RAPGEF2: variants seen among roughly 807,000 people sequenced by gnomAD.
The protein encoded by RAPGEF2 is PDZ domain containing guanine nucleotide exchange factor (GEF) 1.
In RAPGEF2, 54 loss-of-function variants were observed where a neutral mutation model predicts 186.7. That is an observed-to-expected ratio of 0.29 (90% CI 0.23 to 0.36). The LOEUF (loss-of-function observed/expected upper bound fraction) is 0.36. Among genes scored for constraint, RAPGEF2 ranks in the 10% least tolerant of loss-of-function variants. RAPGEF2 has a pLI of 1.00. For missense variants in RAPGEF2, 1,532 were observed against 2,045.0 expected, an observed-to-expected ratio of 0.75 and a Z score of 4.84; for synonymous variants, 712 against 705.9, an observed-to-expected ratio of 1.01 and a Z score of -0.14.
chr4:159,284,479 GAGACAC>G (rs1460346166), intron 7 of RAPGEF2, among the ~76,000 whole-genome samples: 2 of 114,536 alleles, frequency 1.7e-5, no homozygotes, highest in Non-Finnish European at 3.4e-5. Context: ...CACCGCCATG[GAGACAC>G]ACACACACAC....
At chr4:159,202,494 T>C (rs1282099244) in intron 3 of RAPGEF2, among the ~76,000 whole-genome samples, 4 of 152,226 alleles carry the variant, frequency 2.6e-5, no homozygotes, top group African/African-American at 9.6e-5. Context: ...TTTGAGCTGA[T>C]GGTCTTCTAG....
chr4:159,159,465 T>G (rs1016643395), intron 1 of RAPGEF2, among the ~76,000 whole-genome samples: 1 of 106,978 alleles, frequency 9.3e-6, no homozygotes, highest in African/African-American at 3.8e-5. Flanking sequence ...TAAGTACATA[T>G]AGTGGGATCA....
chr4:159,332,447 T>C lies in RAPGEF2; in HGVS notation c.1889-4T>C. On this transcript the variant is annotated splice_region_variant and splice_polypyrimidine_tract_variant and intron_variant, in intron 16 of 29. Coordinates refer to ENST00000691494, the MANE Select transcript of RAPGEF2 (RefSeq NM_001394067.2). ...CGTGGTGTTTCTGTTTTCATTTATT[T>C]TAGTATTTAAAGAACTTCTAACAAG... 6.2e-7 allele frequency: 1 copy of C among 1,607,626 alleles called. No homozygotes were observed. Among genetic ancestry groups the C allele is most frequent in the African/African-American group, 1.3e-5 (1 of 74,464 alleles).
chr4:159,131,412 G>A (rs1237989565), intron 1 of RAPGEF2, among the ~76,000 whole-genome samples: 7 of 151,634 alleles, frequency 4.6e-5, no homozygotes, highest in Admixed American at 6.6e-5. Context: ...GCCCAGCCTC[G>A]CATGGTTTTA....
chr4:159,179,887 A>G (rs1746830192), intron 1 of RAPGEF2, among the ~76,000 whole-genome samples: 1 of 152,116 alleles, frequency 6.6e-6, no homozygotes, highest in Non-Finnish European at 1.5e-5. Context: ...TGTTTGGACT[A>G]TGGAAGTACA....
intron 1 of RAPGEF2, among the ~76,000 whole-genome samples, chr4:159,119,806 C>T (rs1455555664): frequency 6.6e-6 from 1 of 152,140 alleles, no homozygotes; most frequent in East Asian, 1.9e-4. Context: ...TTCTAAACAT[C>T]CCATCTATTG....
rs1737503578 is a variant in RAPGEF2 at position 159,104,116 on chromosome 4, AGGCC to A, written c.-42_-39del. The A allele has an allele frequency of 7.6e-7, 1 of 1,310,340 alleles. No individual in the cohort carries two copies. Among genetic ancestry groups the A allele is most frequent in the African/African-American group, 1.5e-5 (1 of 65,210 alleles). The allele number at this position is 1,310,340 out of a possible 1,614,324, so 81.2% of individuals were successfully genotyped here. A position where few individuals can be genotyped will look rare whatever the true frequency, so the allele number is the denominator to read the frequency against. On this transcript the variant is annotated 5_prime_UTR_variant, in exon 1 of 30. Transcript: ENST00000691494. ...GCAGCAGCGGCGCTGGGCCGGGAGG[AGGCC>A]GGCCAGGGTGCGGAGCGGCCCCGGC... is the stretch of plus-strand genomic sequence containing the variant.
chr4:159,299,624 A>T (rs1762418686), intron 7 of RAPGEF2, among the ~76,000 whole-genome samples: 1 of 151,904 alleles, frequency 6.6e-6, no homozygotes, highest in African/African-American at 2.4e-5. Flanking sequence ...GTATTTTACC[A>T]ATTTAACTTT....
intron 7 of RAPGEF2, among the ~76,000 whole-genome samples, chr4:159,294,277 C>T (rs753226319): frequency 1.3e-5 from 2 of 152,124 alleles, no homozygotes; most frequent in Non-Finnish European, 2.9e-5. Flanking sequence ...ACTCATTTCC[C>T]GAGCTCCATA....
At chr4:159,126,335 C>G (rs1416760549) in intron 1 of RAPGEF2, among the ~76,000 whole-genome samples, 1 of 152,074 alleles carries the variant, frequency 6.6e-6, no homozygotes, top group East Asian at 1.9e-4. Context: ...GAGAGCAATT[C>G]TAGAAACCTT....
intron 1 of RAPGEF2, among the ~76,000 whole-genome samples, chr4:159,177,943 C>T (rs1346269524): frequency 6.6e-6 from 1 of 152,126 alleles, no homozygotes; most frequent in Non-Finnish European, 1.5e-5. Flanking sequence ...CAGTTCTGGT[C>T]CTGTGACCAG....
At chr4:159,137,424 C>A (rs1038446396) in intron 1 of RAPGEF2, among the ~76,000 whole-genome samples, 1 of 152,124 alleles carries the variant, frequency 6.6e-6, no homozygotes, top group Admixed American at 6.5e-5. Context: ...TATAAGAACA[C>A]CAGTCCAACT....
Position 159,240,604 on chromosome 4 carries a change from A to G in RAPGEF2, c.358-597A>G, listed in dbSNP as rs566052931. 2.6e-5 allele frequency among the ~76,000 whole-genome samples: 4 copies of G among 152,158 alleles called. No individual in the cohort carries two copies. In the East Asian group the frequency reaches 7.7e-4, roughly 29 times the overall value. ...CGCCTCGGCCTCCCAAAGTGCTGGG[A>G]TTACAGGCGTGAGCAACTGTGCCTG... On this transcript the variant is annotated intron_variant, in intron 5 of 29. Coordinates refer to ENST00000691494, the MANE Select transcript of RAPGEF2 (RefSeq NM_001394067.2).
In RAPGEF2 at chr4:159,266,578, TAAA is replaced by T. The variant is rs530774146; in HGVS notation, c.543+22795_543+22797del. On this transcript the variant is annotated intron_variant, in intron 7 of 29. Coordinates refer to ENST00000691494, the MANE Select transcript of RAPGEF2 (RefSeq NM_001394067.2). ...ACCTCTGAAGTTTGGTTTGGTTTTT[TAAA>T]AAAAAAACCTGGGTAGGTTAATTTT... Among the ~76,000 whole-genome samples the T allele has an allele frequency of 3.3e-3, 493 of 150,994 alleles. 2 individuals carry two copies. The highest frequency in any genetic ancestry group is 0.011 in the African/African-American group (468 of 41,156).
At chr4:159,313,952 G>A (rs1320190399) in intron 8 of RAPGEF2, among the ~76,000 whole-genome samples, 1 of 152,164 alleles carries the variant, frequency 6.6e-6, no homozygotes, top group Non-Finnish European at 1.5e-5. Context: ...AAATTTGCAG[G>A]TATCTTGATA....
Position 159,354,019 on chromosome 4 carries a change from G to T in RAPGEF2, c.4624G>T (p.Ala1542Ser), listed in dbSNP as rs1282722339. 1.2e-6 allele frequency: 2 copies of T among 1,602,096 alleles called. No homozygotes were observed. Among genetic ancestry groups the T allele is most frequent in the African/African-American group, 2.7e-5 (2 of 74,324 alleles). The change falls in exon 28 of 30, where the codon GCA becomes TCA. Residue 1542 changes from alanine (A) to serine (S), a missense_variant. Coordinates refer to ENST00000691494, the MANE Select transcript of RAPGEF2 (RefSeq NM_001394067.2). ...PVPMPAHIAVASSTTKGLIAR... is the reference protein window; with the variant it reads ...PVPMPAHIAVSSSTTKGLIAR... ...CCCCATGCCTGCCCACATAGCTGTG[G>T]CATCAAGTACTACAAAGGGGCTCAT...
At chr4:159,212,690 A>G (rs1378203291) in intron 4 of RAPGEF2, among the ~76,000 whole-genome samples, 18 of 152,222 alleles carry the variant, frequency 1.2e-4, no homozygotes, top group Admixed American at 1.1e-3. Flanking sequence ...AATACATTTT[A>G]TTATAAATAA....
intron 26 of RAPGEF2, among the ~76,000 whole-genome samples, chr4:159,351,504 T>G (rs770276000): frequency 6.6e-6 from 1 of 152,226 alleles, no homozygotes; most frequent in Non-Finnish European, 1.5e-5. Flanking sequence ...TGCTCTAGAT[T>G]TTAATTTTTC....
intron 7 of RAPGEF2, among the ~76,000 whole-genome samples, chr4:159,282,048 C>T (rs1380232789): frequency 6.6e-6 from 1 of 152,274 alleles, no homozygotes; most frequent in Middle Eastern, 3.4e-3. Flanking sequence ...CTGTCAAATA[C>T]TGTTAATGAT....
Sources: gnomAD v4.1 joint callset for allele counts (sites outside exome capture counted in the v4.1 genomes callset) on GRCh38, gnomAD v4.1.1 for gene constraint, MANE v1.5 for transcripts, NCBI Gene and HGNC (gene_info 2026-07-23, HGNC 2026-07-21) for gene names.